The following DLD variants were observed in gnomAD, a reference collection of about 807,000 sequenced individuals.
DLD encodes dihydrolipoyl dehydrogenase, mitochondrial.
Under a neutral mutation model 62.2 loss-of-function variants are expected in DLD, and 36 were observed. That is an observed-to-expected ratio of 0.58 (90% CI 0.44 to 0.76). The LOEUF (loss-of-function observed/expected upper bound fraction) is 0.76. DLD is among the 30% of genes least tolerant of loss of function. The probability of loss-of-function intolerance (pLI) is 0.00; values close to 1 mark genes in which losing one functional copy is unlikely to be tolerated. For missense variants in DLD, 541 were observed against 608.6 expected, an observed-to-expected ratio of 0.89 and a Z score of 1.17; for synonymous variants, 204 against 199.6, an observed-to-expected ratio of 1.02 and a Z score of -0.19.
chr7:107,901,471 T>C (rs2031873312), intron 2 of DLD, among the ~76,000 whole-genome samples: 1 of 152,152 alleles, frequency 6.6e-6, no homozygotes, highest in Non-Finnish European at 1.5e-5. Context: ...GTGAATACAA[T>C]GTGAGTGTTA....
intron 2 of DLD, among the ~76,000 whole-genome samples, chr7:107,894,320 A>G (rs2031663294): frequency 6.6e-6 from 1 of 152,238 alleles, no homozygotes; most frequent in Non-Finnish European, 1.5e-5. Context: ...AACTGTGACT[A>G]TCAGTCTCCC....
In DLD at chr7:107,906,939, C is replaced by T. The variant is rs147681982; in HGVS notation, c.684+571C>T. On this transcript the variant is annotated intron_variant, in intron 8 of 13. Coordinates refer to ENST00000205402, the MANE Select transcript of DLD (RefSeq NM_000108.5). ...CTTGTAAACACCAGGAATTGCTCTACTTCTGAAATAATAAATTCAGATATT... is the reference window on the plus strand; with the variant it reads ...CTTGTAAACACCAGGAATTGCTCTATTTCTGAAATAATAAATTCAGATATT... 4.4e-3 allele frequency among the ~76,000 whole-genome samples: 672 copies of T among 152,338 alleles called. 7 individuals carry two copies. The highest frequency in any genetic ancestry group is 0.015 in the African/African-American group (638 of 41,572).
intron 8 of DLD, among the ~76,000 whole-genome samples, chr7:107,909,151 T>C (rs1444508299): frequency 6.6e-6 from 1 of 152,256 alleles, no homozygotes; most frequent in Non-Finnish European, 1.5e-5. Context: ...CACATTTTTT[T>C]CGCATTTGGA....
chr7:107,899,107 C>T (rs780063447), intron 2 of DLD, among the ~76,000 whole-genome samples: 5 of 152,054 alleles, frequency 3.3e-5, no homozygotes, highest in African/African-American at 4.8e-5. Context: ...ATTTTCTGTG[C>T]TTACAGTACC....
chr7:107,902,303 A>T (rs773720946), intron 3 of DLD, 22 bp from the exon 4 acceptor site: 32 of 1,603,904 alleles, frequency 2.0e-5, no homozygotes, highest in Non-Finnish European at 2.7e-5. Context: ...GTGCAGTTAA[A>T]TAATGTTTTC....
chr7:107,896,705 C>G (rs73423585), intron 2 of DLD, among the ~76,000 whole-genome samples: 2,296 of 152,270 alleles, frequency 0.015, 52 homozygotes, highest in African/African-American at 0.051. Context: ...TCCCTTACCC[C>G]TCAACAAAAT....
chr7:107,907,539 G>T (rs969580306), intron 8 of DLD, among the ~76,000 whole-genome samples: 2 of 152,116 alleles, frequency 1.3e-5, no homozygotes, highest in Admixed American at 6.5e-5. Context: ...TTTACCTGTT[G>T]TTACACCTAT....
chr7:107,903,092 A>ATTC (rs1456493784), intron 4 of DLD, among the ~76,000 whole-genome samples: 1 of 152,158 alleles, frequency 6.6e-6, no homozygotes, highest in Non-Finnish European at 1.5e-5. Flanking sequence ...CATTTTTGTG[A>ATTC]TGAGAACATT....
At chr7:107,892,748 A>AT (rs1213897912) in intron 1 of DLD, among the ~76,000 whole-genome samples, 1 of 151,944 alleles carries the variant, frequency 6.6e-6, no homozygotes, top group Non-Finnish European at 1.5e-5. Context: ...GGGCTTCACT[A>AT]TGTTGGCCAG....
intron 8 of DLD, 119 bp downstream of exon 8, chr7:107,906,487 C>A: frequency 1.4e-6 from 1 of 707,668 alleles, no homozygotes; most frequent in Non-Finnish European, 2.6e-6. Flanking sequence ...TGCTTAAACA[C>A]TTCTAGTAAT....
At chr7:107,909,927 G>C (rs958052512) in intron 8 of DLD, among the ~76,000 whole-genome samples, 2 of 140,814 alleles carry the variant, frequency 1.4e-5, no homozygotes, top group Non-Finnish European at 3.0e-5. Flanking sequence ...GCTCACTGCA[G>C]CCTCCACCTC....
At chr7:107,908,243 C>T (rs2032055712) in intron 8 of DLD, among the ~76,000 whole-genome samples, 3 of 151,324 alleles carry the variant, frequency 2.0e-5, no homozygotes, top group Admixed American at 6.6e-5. Flanking sequence ...TTCTGCCTCC[C>T]GGGTTCAAGT....
Position 107,897,642 on chromosome 7 carries a change from G to A in DLD, c.119-4096G>A, listed in dbSNP as rs142877795. Among the ~76,000 whole-genome samples the A allele has an allele frequency of 4.4e-3, 642 of 146,916 alleles. 5 individuals carry two copies. Among genetic ancestry groups the A allele is most frequent in the African/African-American group, 0.016 (609 of 39,132 alleles). On this transcript the variant is annotated intron_variant, in intron 2 of 13. Transcript: ENST00000205402. ...CATGCAAGCTGGGGTGCAATGGTGC[G>A]ATCTTGGTTCACTGCAACTTCCACC...
chr7:107,918,448 C>A (rs1468833986), intron 12 of DLD, among the ~76,000 whole-genome samples: 1 of 152,146 alleles, frequency 6.6e-6, no homozygotes, highest in Admixed American at 6.5e-5. Flanking sequence ...CTCTCATTTT[C>A]ACAACAGACC....
At chr7:107,894,091 T>A (rs970457983) in intron 2 of DLD, among the ~76,000 whole-genome samples, 1 of 152,208 alleles carries the variant, frequency 6.6e-6, no homozygotes, top group Non-Finnish European at 1.5e-5. Context: ...TGTACTTTTT[T>A]TATATTTTTG....
chr7:107,900,253 A>G (rs1340901469), intron 2 of DLD, among the ~76,000 whole-genome samples: 1 of 152,104 alleles, frequency 6.6e-6, no homozygotes, highest in Admixed American at 6.6e-5. Flanking sequence ...AGGTTCTGTG[A>G]TTCTGTTCAG....
chr7:107,917,116 A>T, intron 10 of DLD, 152 bp downstream of exon 10: 2 of 1,220,370 alleles, frequency 1.6e-6, no homozygotes, highest in South Asian at 2.7e-5. Context: ...ACTGAATTTT[A>T]CTCAAAGATA....
rs1036554130 is a variant in DLD at position 107,915,292 on chromosome 7, A to G, written c.685-214A>G. On this transcript the variant is annotated intron_variant, in intron 8 of 13. Transcript: ENST00000205402. ...CCTAGAAGCTAAAATATTGCCTACC[A>G]TGTAGTAGATGTTCAACAAATGTTG... Among the ~76,000 whole-genome samples, 6 of 152,338 alleles carry G rather than the reference A, an allele frequency of 3.9e-5. No homozygotes were observed. In the East Asian group the frequency reaches 1.2e-3, roughly 29 times the overall value.
chr7:107,904,981 G>T lies in DLD; in HGVS notation c.361G>T (p.Asp121Tyr), dbSNP rs780305161. 6.2e-6 allele frequency: 10 copies of T among 1,613,020 alleles called. No homozygotes were observed. Among genetic ancestry groups the T allele is most frequent in the Non-Finnish European group, 2.5e-6 (3 of 1,179,514 alleles). ...AGTGTCCGAAGTTCGCTTGAATTTA[G>T]ACAAGATGATGGAGCAGAAGAGTAC... Reference protein sequence around the residue: ...IEMSEVRLNLDKMMEQKSTAV... With the variant: ...IEMSEVRLNLYKMMEQKSTAV... The change falls in exon 6 of 14, where the codon GAC (aspartate) becomes TAC (tyrosine). Residue 121 changes from aspartate to tyrosine, a missense_variant. Transcript: ENST00000205402.
Sources: gnomAD v4.1 joint callset for allele counts (sites outside exome capture counted in the v4.1 genomes callset) on GRCh38, gnomAD v4.1.1 for gene constraint, MANE v1.5 for transcripts, NCBI Gene and HGNC (gene_info 2026-07-23, HGNC 2026-07-21) for gene names.